The following PEX6 variants were observed in gnomAD, a reference collection of about 807,000 sequenced individuals.
PEX6 encodes peroxisome biogenesis factor 6.
A neutral mutation model predicts 85.6 loss-of-function variants in PEX6; 55 were observed. The ratio of observed to expected loss-of-function variants is 0.64; its 90% CI spans 0.52 to 0.80. PEX6 has a LOEUF of 0.80. PEX6 is among the 30% of genes least tolerant of loss of function. PEX6 has a pLI of 0.00. For synonymous variants in PEX6, 519 were observed against 549.1 expected (o/e 0.95, Z 0.77); for missense variants, 1,099 against 1,260.3 (o/e 0.87, Z 1.94).
In PEX6 at chr6:42,965,991, G is replaced by A; in HGVS notation, c.2362+53C>T. The A allele has an allele frequency of 6.3e-7, 1 of 1,580,608 alleles. No individual in the cohort carries two copies. Among genetic ancestry groups the A allele is most frequent in the South Asian group, 1.1e-5 (1 of 90,444 alleles). Reference sequence around the variant, plus strand: ...GCCTGGGAGTAGGGGGTGGCTTGGGGGCCATCGGGGTTTGGGAAGCATGGG... The same window carrying A: ...GCCTGGGAGTAGGGGGTGGCTTGGGAGCCATCGGGGTTTGGGAAGCATGGG... On this transcript the variant is annotated intron_variant, in intron 12 of 16. Coordinates refer to ENST00000304611, the MANE Select transcript of PEX6 (RefSeq NM_000287.4). This position sits in a 1 kb window ranked among gnomAD's most constrained non-coding sequence, Gnocchi z 5.0.
Position 42,965,188 on chromosome 6 carries a change from C to T in PEX6, c.2589-36G>A. 6.2e-7 allele frequency: 1 copy of T among 1,611,200 alleles called. No homozygotes were observed. Among genetic ancestry groups the T allele is most frequent in the Non-Finnish European group, 8.5e-7 (1 of 1,177,354 alleles). The stretch of plus-strand genomic sequence containing the variant: ...ATAGGCAGGTATAAGTTTCAGGGAG[C>T]CCAGCCATGAGGGGTGAAGGAGGCA... On this transcript the variant is annotated intron_variant, in intron 14 of 16. Coordinates refer to ENST00000304611, the MANE Select transcript of PEX6 (RefSeq NM_000287.4). The surrounding 1 kb of genome is among the most constrained non-coding windows in gnomAD (Gnocchi z 5.0).
intron 3 of PEX6, among the ~76,000 whole-genome samples, chr6:42,973,107 G>C (rs1770125255): frequency 6.6e-6 from 1 of 152,106 alleles, no homozygotes; most frequent in South Asian, 2.1e-4. Context: ...TGCCTCCCAG[G>C]TCCAAGTGAT....
chr6:42,973,962 G>C, intron 3 of PEX6, 41 bp downstream of exon 3: 1 of 1,383,968 alleles, frequency 7.2e-7, no homozygotes, highest in Non-Finnish European at 1.0e-6. Context: ...CATGCACCCA[G>C]GTTACAAATC....
chr6:42,979,033 G>A lies in PEX6; in HGVS notation c.118C>T (p.Leu40=), dbSNP rs1770443540. ...GCCGGGCTCTCCCCTGCAGGCCTCA[G>A]GGCCAGCACCAGGCCCAGCTCCGCC... is the stretch of plus-strand genomic sequence containing the variant. The part of the protein sequence containing the change: ...PAAELGLVLA[L]RPAGESPAGP... Residue 40 remains leucine (L), a synonymous_variant, in exon 1 of 17, where the codon CTG becomes TTG. Transcript: ENST00000304611. 3 of 1,532,138 alleles carry A rather than the reference G, an allele frequency of 2.0e-6. No homozygotes were observed. Among genetic ancestry groups the A allele is most frequent in the African/African-American group, 1.4e-5 (1 of 72,880 alleles). 94.9% of individuals were successfully genotyped at this position (1,532,138 alleles called of 1,614,324 possible).
chr6:42,970,618 ATG>A (rs1420605766), intron 3 of PEX6, among the ~76,000 whole-genome samples: 3 of 152,216 alleles, frequency 2.0e-5, no homozygotes, highest in African/African-American at 7.2e-5. Flanking sequence ...TCTTTTTGAG[ATG>A]TTGAAAATGT....
At position 42,978,442 on chromosome 6, in the gene PEX6, G is replaced by A. The variant is rs1770403645; in HGVS notation, c.709C>T (p.Pro237Ser). Residue 237 changes from proline (P) to serine (S), a missense_variant, in exon 1 of 17, where the codon CCG becomes TCG. Physicochemically the swap from Pro to Ser is moderately conservative, Grantham distance 74 (BLOSUM62 -1). This residue lies in a region of PEX6 where 579 missense variants were observed against 611.6 expected (regional missense o/e 0.95). Transcript: ENST00000304611. Reference sequence around the variant, plus strand: ...AGGACCTGCACCCTAGCCAAGTGCGGCTGTGAAGTGTTCGATGACTCTCTG... The same window carrying A: ...AGGACCTGCACCCTAGCCAAGTGCGACTGTGAAGTGTTCGATGACTCTCTG... ...QARESSNTSQPHLARVQVLEP... is the reference protein window; with the variant it reads ...QARESSNTSQSHLARVQVLEP... 31 of 1,614,202 alleles carry A rather than the reference G, an allele frequency of 1.9e-5. No individual in the cohort carries two copies. The highest frequency in any genetic ancestry group is 2.5e-5 in the Non-Finnish European group (29 of 1,180,050).
Position 42,969,712 on chromosome 6 carries a change from CA to C in PEX6, c.1322del (p.Leu441TrpfsTer9), listed in dbSNP as rs1046206208. On this transcript the variant is annotated frameshift_variant, in exon 5 of 17. Coordinates refer to ENST00000304611, the MANE Select transcript of PEX6 (RefSeq NM_000287.4). LOFTEE classifies it high-confidence loss of function. The stretch of plus-strand genomic sequence containing the variant: ...TCAGGACAGCACAGAGTTCAGACAC[CA>C]AGGCCTCCAGGCCTGGAGGAGACAA... ...SSLSPPGLEA[L>X]VSELCAVLKP... 6.2e-7 allele frequency: 1 copy of C among 1,613,296 alleles called. No individual in the cohort carries two copies. The highest frequency in any genetic ancestry group is 8.5e-7 in the Non-Finnish European group (1 of 1,179,994).
chr6:42,978,821 G>A lies in PEX6; in HGVS notation c.330C>T (p.Thr110=). 6.5e-7 allele frequency: 1 copy of A among 1,533,234 alleles called. No homozygotes were observed. The highest frequency in any genetic ancestry group is 8.7e-7 in the Non-Finnish European group (1 of 1,146,236). 95.0% of individuals were successfully genotyped at this position (1,533,234 alleles called of 1,614,324 possible). A position where few individuals can be genotyped will look rare whatever the true frequency, so the allele number is the denominator to read the frequency against. ...GCGGTCCGAGCCCAGGCCCCAGCGAGGTGCCAAGCAGTGCCCAACCTAGCG... is the reference window on the plus strand; with the variant it reads ...GCGGTCCGAGCCCAGGCCCCAGCGAAGTGCCAAGCAGTGCCCAACCTAGCG... ...PPALGWALLG[T]SLGPGLGPRV... The change falls in exon 1 of 17, where the codon ACC becomes ACT. Residue 110 remains threonine, a synonymous_variant. Coordinates refer to ENST00000304611, the MANE Select transcript of PEX6 (RefSeq NM_000287.4).
intron 3 of PEX6, 35 bp from the exon 4 acceptor site, chr6:42,970,022 G>T: frequency 6.4e-7 from 1 of 1,571,480 alleles, no homozygotes; most frequent in Non-Finnish European, 8.8e-7. Context: ...CCCAGATCCA[G>T]AGTCCAAAAA....
At chr6:42,969,849 C>A in intron 4 of PEX6, 36 bp downstream of exon 4, 2 of 1,614,064 alleles carry the variant, frequency 1.2e-6, no homozygotes, top group Non-Finnish European at 8.5e-7. Flanking sequence ...CGTTTCTACC[C>A]CCTGCGCTGG....
intron 5 of PEX6, 87 bp downstream of exon 5, chr6:42,969,581 C>G: frequency 1.3e-6 from 2 of 1,544,114 alleles, no homozygotes; most frequent in South Asian, 2.2e-5. Flanking sequence ...CTGGCCAGTT[C>G]ATTAGGAACT....
chr6:42,978,445 G>C lies in PEX6; in HGVS notation c.706C>G (p.Gln236Glu). 1 of 1,614,154 alleles carries C rather than the reference G, an allele frequency of 6.2e-7. No homozygotes were observed. The highest frequency in any genetic ancestry group is 2.2e-5 in the East Asian group (1 of 44,870). Residue 236 changes from glutamine (Q) to glutamate (E), a missense_variant, in exon 1 of 17, where the codon CAG becomes GAG. Gln to Glu is a conservative substitution (Grantham distance 29, BLOSUM62 2). This residue lies in a region of PEX6 where 579 missense variants were observed against 611.6 expected (regional missense o/e 0.95). Coordinates refer to ENST00000304611, the MANE Select transcript of PEX6 (RefSeq NM_000287.4). ...AQARESSNTS[Q>E]PHLARVQVLE... is the part of the protein sequence containing the mutation. ...ACCTGCACCCTAGCCAAGTGCGGCT[G>C]TGAAGTGTTCGATGACTCTCTGGCC...
chr6:42,973,942 T>C (rs1270137726), intron 3 of PEX6, 61 bp downstream of exon 3: 17 of 1,106,626 alleles, frequency 1.5e-5, no homozygotes, highest in East Asian at 1.4e-4. Flanking sequence ...AGGGAGGGGA[T>C]TGTAGAACTC....
chr6:42,973,074 C>A (rs760040288), intron 3 of PEX6, among the ~76,000 whole-genome samples: 18 of 152,100 alleles, frequency 1.2e-4, no homozygotes, highest in Non-Finnish European at 2.6e-4. Context: ...AGCAGTGATG[C>A]GATCTGGGCT....
rs776610051 is a variant in PEX6 at position 42,969,658 on chromosome 6, C to T, written c.1367+10G>A. 9.3e-6 allele frequency: 15 copies of T among 1,612,372 alleles called. No homozygotes were observed. Among genetic ancestry groups the T allele is most frequent in the East Asian group, 6.7e-5 (3 of 44,866 alleles). ...CTTTTCTCACACCCTGGGGTGATGA[C>T]CTCACTCACCCTGGCTGGAGGCGAG... is the stretch of plus-strand genomic sequence containing the variant. On this transcript the variant is annotated intron_variant, in intron 5 of 16. Transcript: ENST00000304611.
Position 42,966,364 on chromosome 6 carries a change from C to T in PEX6, c.2178G>A (p.Glu726=). 1 of 1,614,030 alleles carries T rather than the reference C, an allele frequency of 6.2e-7. No individual in the cohort carries two copies. The highest frequency in any genetic ancestry group is 8.5e-7 in the Non-Finnish European group (1 of 1,180,002). The part of the protein sequence containing the change: ...EILETIQLPL[E]HPELLSLGLR... ...GGCCCAGGCTCAGTAGCTCAGGGTGCTCCAGGGGGAGCTGAATGGTCTCCA... is the reference window on the plus strand; with the variant it reads ...GGCCCAGGCTCAGTAGCTCAGGGTGTTCCAGGGGGAGCTGAATGGTCTCCA... Residue 726 remains glutamate (E), a synonymous_variant, in exon 11 of 17, where the codon GAG becomes GAA. Coordinates refer to ENST00000304611, the MANE Select transcript of PEX6 (RefSeq NM_000287.4).
chr6:42,965,110 G>A lies in PEX6; in HGVS notation c.2631C>T (p.Ala877=). The A allele has an allele frequency of 1.2e-6, 2 of 1,614,222 alleles. No individual in the cohort carries two copies. ...TGGCACTTAGAACGCGTAGCTGGGA[G>A]GCCCGGTCCTCATTTGCCCCCACAA... ...LVFVGANEDR[A]SQLRVLSAIT... The change falls in exon 15 of 17, where the codon GCC becomes GCT. Residue 877 remains alanine (A), a synonymous_variant. Coordinates refer to ENST00000304611, the MANE Select transcript of PEX6 (RefSeq NM_000287.4). The surrounding 1 kb of genome is among the most constrained non-coding windows in gnomAD (Gnocchi z 5.0).
At position 42,965,255 on chromosome 6, in the gene PEX6, C is replaced by A. The variant is rs764227040; in HGVS notation, c.2585G>T (p.Gly862Val). The stretch of plus-strand genomic sequence containing the variant: ...ATGAGCAGTACAAGGGGCCCACCTG[C>A]CAGGCCGCAGAAGGGCAGGGTCCAG... ...DLLDPALLRP[G>V]RFDKLVFVGA... Residue 862 changes from glycine (G) to valine (V), a missense_variant, in exon 14 of 17, where the codon GGC (glycine) becomes GTC (valine). Around this residue, in one of 3 missense-constraint regions of PEX6, gnomAD observed 514 missense variants for 627.0 expected, o/e 0.82. Coordinates refer to ENST00000304611, the MANE Select transcript of PEX6 (RefSeq NM_000287.4). This position sits in a 1 kb window ranked among gnomAD's most constrained non-coding sequence, Gnocchi z 5.0. 16 of 1,613,394 alleles carry A rather than the reference C, an allele frequency of 9.9e-6. No homozygotes were observed. Among genetic ancestry groups the A allele is most frequent in the Non-Finnish European group, 1.4e-5 (16 of 1,179,422 alleles).
At chr6:42,972,586 C>A (rs151335772) in intron 3 of PEX6, among the ~76,000 whole-genome samples, 1 of 151,976 alleles carries the variant, frequency 6.6e-6, no homozygotes. Flanking sequence ...CTGGTTAACA[C>A]GGTGAAACCC....
Sources: gnomAD v4.1 joint callset for allele counts (sites outside exome capture counted in the v4.1 genomes callset) on GRCh38, gnomAD v4.1.1 for gene constraint, gnomAD v4.1.1 regional missense constraint, Gnocchi (gnomAD v3.1) non-coding constraint, MANE v1.5 for transcripts, NCBI Gene and HGNC (gene_info 2026-07-23, HGNC 2026-07-21) for gene names.